Variants in JAK2 observed in about 807,000 individuals in gnomAD.
JAK2 encodes the protein Janus kinase 2, also known as tyrosine-protein kinase JAK2.
Under a neutral mutation model 139.3 loss-of-function variants are expected in JAK2, and 86 were observed. The ratio of observed to expected loss-of-function variants is 0.62; its 90% CI spans 0.52 to 0.74. JAK2 has a LOEUF of 0.74. JAK2 is among the 30% of genes least tolerant of loss of function. The pLI, the probability that JAK2 is intolerant of heterozygous loss-of-function variation, is 0.00. For missense variants in JAK2, 1,421 were observed against 1,360.3 expected (o/e 1.04, Z -0.70); for synonymous variants, 490 against 437.7 (o/e 1.12, Z -1.49).
At position 5,021,999 on chromosome 9, in the gene JAK2, C is replaced by T. The variant is rs760970893; in HGVS notation, c.12C>T (p.Ala4=). 38 of 1,613,276 alleles carry T rather than the reference C, an allele frequency of 2.4e-5. No individual in the cohort carries two copies. The South Asian group carries it at 3.8e-4, about 16-fold the overall frequency. MGM[A]CLTMTEMEGT... Reference sequence around the variant, plus strand: ...GAAAAAGACTCTGCATGGGAATGGCCTGCCTTACGATGACAGAAATGGAGG... The same window carrying T: ...GAAAAAGACTCTGCATGGGAATGGCTTGCCTTACGATGACAGAAATGGAGG... Residue 4 remains alanine, a synonymous_variant, in exon 3 of 25, where the codon GCC becomes GCT. Coordinates refer to ENST00000381652, the MANE Select transcript of JAK2 (RefSeq NM_004972.4).
chr9:5,085,299 G>A (rs192289567), intron 19 of JAK2: 2 of 725,020 alleles, frequency 2.8e-6, no homozygotes, highest in Admixed American at 1.8e-5. Flanking sequence ...TAGAACATGA[G>A]GTGAAGTCGA....
At chr9:5,076,492 T>A (rs910759648) in intron 14 of JAK2, among the ~76,000 whole-genome samples, 3 of 152,186 alleles carry the variant, frequency 2.0e-5, no homozygotes, top group African/African-American at 7.2e-5. Flanking sequence ...AGCACCTTTT[T>A]TGGCAATAAA....
intron 22 of JAK2, among the ~76,000 whole-genome samples, chr9:5,120,071 T>A (rs1823497366): frequency 6.6e-6 from 1 of 152,150 alleles, no homozygotes; most frequent in Middle Eastern, 3.2e-3. Flanking sequence ...CTTCTAGAGG[T>A]TAGGAGTCCA....
intron 22 of JAK2, 94 bp from the exon 23 acceptor site, chr9:5,122,910 G>GT (rs796174169): frequency 0.026 from 16,266 of 624,460 alleles, 51 homozygotes; most frequent in African/African-American, 0.049. Context: ...TTCTCTACAT[G>GT]TTTTTTTTTT....
intron 2 of JAK2, among the ~76,000 whole-genome samples, chr9:5,014,758 A>G (rs1489535667): frequency 6.6e-6 from 1 of 152,196 alleles, no homozygotes; most frequent in Non-Finnish European, 1.5e-5. Context: ...AGAGTTATAA[A>G]TGACAATATG....
intron 14 of JAK2, among the ~76,000 whole-genome samples, chr9:5,075,771 A>T (rs1177721670): frequency 6.6e-6 from 1 of 152,168 alleles, no homozygotes; most frequent in Non-Finnish European, 1.5e-5. Flanking sequence ...TCAACTTTCA[A>T]GTCTTATTAT....
Position 5,007,590 on chromosome 9 carries a change from C to G in JAK2, c.-25-14373C>G, listed in dbSNP as rs147708271. On this transcript the variant is annotated intron_variant, in intron 2 of 24. Coordinates refer to ENST00000381652, the MANE Select transcript of JAK2 (RefSeq NM_004972.4). ...GTAATCATTGAATGCAAAATATGTC[C>G]TATTTTGCAACTTAATATACTTTTA... 4.7e-3 allele frequency among the ~76,000 whole-genome samples: 703 copies of G among 150,260 alleles called. 5 individuals are homozygous for G. The highest frequency in any genetic ancestry group is 0.017 in the African/African-American group (667 of 39,744).
chr9:5,072,395 G>C, intron 12 of JAK2, 97 bp from the exon 13 acceptor site: 2 of 852,076 alleles, frequency 2.3e-6, no homozygotes, highest in Non-Finnish European at 3.4e-6. Flanking sequence ...ACTTGCTTAT[G>C]GATTTAAAAA....
chr9:5,073,779 G>A lies in JAK2; in HGVS notation c.1858G>A (p.Asp620Asn), dbSNP rs2130557201. The A allele has an allele frequency of 6.2e-7, 1 of 1,600,978 alleles. No homozygotes were observed. Among genetic ancestry groups the A allele is most frequent in the Non-Finnish European group, 8.6e-7 (1 of 1,169,468 alleles). Residue 620 changes from aspartate (D) to asparagine (N), a missense_variant, in exon 14 of 25, where the codon GAC becomes AAC. By Grantham distance (23) the Asp-to-Asn change is conservative (BLOSUM62 1). Transcript: ENST00000381652. ...AAATTATGGAGTATGTGTCTGTGGA[G>A]ACGAGAGTAAGTAAAACTACAGGCT... ...VLNYGVCVCG[D>N]ENILVQEFVK... is the part of the protein sequence containing the mutation.
chr9:5,126,657 A>C (rs1824018456), intron 24 of JAK2, 27 bp from the exon 25 acceptor site: 1 of 1,500,138 alleles, frequency 6.7e-7, no homozygotes, highest in Non-Finnish European at 9.2e-7. Flanking sequence ...GTGTTCATTT[A>C]ATTTTGGTTT....
rs527982744 is a variant in JAK2 at position 5,005,083 on chromosome 9, ATTTTTTTTTTTTTTTTTTTTTTTTT to A, written c.-25-16855_-25-16831del. Among the ~76,000 whole-genome samples the A allele has an allele frequency of 2.1e-3, 83 of 40,034 alleles. 2 individuals carry two copies. The South Asian group carries it at 0.041, about 20-fold the overall frequency. The allele number at this position is 40,034 out of a possible 152,430, so 26.3% of individuals were successfully genotyped here. A position where few individuals can be genotyped will look rare whatever the true frequency, so the allele number is the denominator to read the frequency against. ...AGGCATGTGCCAGCATGCCTGGCTA[ATTTTTTTTTTTTTTTTTTTTTTTTT>A]TTTTTTTTTTTTTTTTTTTTTTTTA... On this transcript the variant is annotated intron_variant, in intron 2 of 24. Coordinates refer to ENST00000381652, the MANE Select transcript of JAK2 (RefSeq NM_004972.4).
Position 5,126,337 on chromosome 9 carries a change from T to G in JAK2, c.3182T>G (p.Phe1061Cys). ...IEKSKSPPAE[F>C]MRMIGNDKQG... ...TTGAAAGTGGGTTTGTTTTAGGAAT[T>G]TATGCGTATGATTGGCAATGACAAA... The change falls in exon 24 of 25, where the codon TTT (phenylalanine) becomes TGT (cysteine). Residue 1061 changes from phenylalanine to cysteine, a missense_variant. Coordinates refer to ENST00000381652, the MANE Select transcript of JAK2 (RefSeq NM_004972.4). The G allele has an allele frequency of 6.3e-7, 1 of 1,597,080 alleles. No individual in the cohort carries two copies. Among genetic ancestry groups the G allele is most frequent in the Non-Finnish European group, 8.5e-7 (1 of 1,170,544 alleles).
intron 2 of JAK2, among the ~76,000 whole-genome samples, 181 bp from the exon 3 acceptor site, chr9:5,021,782 G>A (rs1266506239): frequency 2.6e-5 from 4 of 152,086 alleles, no homozygotes; most frequent in East Asian, 1.9e-4. Context: ...GTGCTGCCAC[G>A]CCCAGCTAAT....
intron 19 of JAK2, among the ~76,000 whole-genome samples, chr9:5,083,592 T>C (rs1017362623): frequency 2.0e-5 from 3 of 152,164 alleles, no homozygotes; most frequent in Non-Finnish European, 2.9e-5. Context: ...GCCCTTTTTT[T>C]CCTTGACTTA....
chr9:5,055,362 T>C (rs780307855), intron 7 of JAK2, among the ~76,000 whole-genome samples: 19 of 152,144 alleles, frequency 1.2e-4, no homozygotes, highest in East Asian at 1.9e-4. Context: ...TTTTTAATTT[T>C]TCATCTTTGG....
chr9:5,089,945 G>A (rs1050101906), intron 20 of JAK2, 82 bp downstream of exon 20: 11 of 951,450 alleles, frequency 1.2e-5, no homozygotes, highest in East Asian at 3.1e-5. Flanking sequence ...ATGTCTTAAC[G>A]ATCTGGACTT....
chr9:5,093,143 A>G (rs1226484162), intron 22 of JAK2, among the ~76,000 whole-genome samples: 1 of 152,214 alleles, frequency 6.6e-6, no homozygotes, highest in East Asian at 1.9e-4. Context: ...ATAAGACTGG[A>G]ATAACCCACT....
At chr9:5,006,288 C>T (rs1401375218) in intron 2 of JAK2, among the ~76,000 whole-genome samples, 1 of 149,362 alleles carries the variant, frequency 6.7e-6, no homozygotes, top group African/African-American at 2.5e-5. Flanking sequence ...TGATTTGGCT[C>T]TCTGTGTGTT....
At chr9:5,123,165 T>C (rs752415999) in intron 23 of JAK2, 44 bp downstream of exon 23, 4 of 1,328,882 alleles carry the variant, frequency 3.0e-6, no homozygotes, top group African/African-American at 2.9e-5. Context: ...GTTTGTTCGT[T>C]TGATTTTTAT....
Sources: allele counts gnomAD v4.1 joint callset (sites outside exome capture counted in the v4.1 genomes callset), GRCh38; gene constraint gnomAD v4.1.1; transcripts MANE v1.5; gene names NCBI Gene and HGNC (gene_info 2026-07-23, HGNC 2026-07-21).